Variants in NRXN3 observed in about 807,000 individuals in gnomAD.
NRXN3 encodes the protein neurexin III.
NRXN3 carries 32 observed loss-of-function variants against 137.6 expected under a neutral mutation model. The ratio of observed to expected loss-of-function variants is 0.23; its 90% CI spans 0.18 to 0.31. The LOEUF (loss-of-function observed/expected upper bound fraction) is 0.31, where lower values mean the gene tolerates loss of function less well. Among genes scored for constraint, NRXN3 ranks in the 10% least tolerant of loss-of-function variants. NRXN3 has a pLI of 1.00. For missense variants in NRXN3, 1,574 were observed against 2,062.5 expected, an observed-to-expected ratio of 0.76 and a Z score of 4.59; for synonymous variants, 798 against 784.5, an observed-to-expected ratio of 1.02 and a Z score of -0.29.
At chr14:79,496,683 G>A (rs1441083472) in intron 16 of NRXN3, among the ~76,000 whole-genome samples, 2 of 152,114 alleles carry the variant, frequency 1.3e-5, no homozygotes, top group Non-Finnish European at 2.9e-5. Flanking sequence ...ATTTTGGAGC[G>A]AGTTAAAATT....
intron 4 of NRXN3, among the ~76,000 whole-genome samples, chr14:78,303,156 C>T (rs2077038340): frequency 6.6e-6 from 1 of 152,220 alleles, no homozygotes; most frequent in Admixed American, 6.5e-5. Context: ...TTCCTCATCT[C>T]TTACCTTTGC....
Position 78,270,268 on chromosome 14 carries a change from C to T in NRXN3, c.710-8377C>T, listed in dbSNP as rs56093050. Among the ~76,000 whole-genome samples the T allele has an allele frequency of 2.2e-3, 336 of 152,312 alleles. 2 individuals carry two copies. The highest frequency in any genetic ancestry group is 7.8e-3 in the African/African-American group (325 of 41,574). Reference sequence around the variant, plus strand: ...AGGAATTGACAGATTTCTCTCTCCTCCTGTGACACACTTTTCTCTCTCCTA... The same window carrying T: ...AGGAATTGACAGATTTCTCTCTCCTTCTGTGACACACTTTTCTCTCTCCTA... On this transcript the variant is annotated intron_variant, in intron 2 of 20. Transcript: ENST00000335750.
chr14:78,731,607 ATGTGTGTG>A (rs149686835), intron 8 of NRXN3, among the ~76,000 whole-genome samples: 5 of 148,758 alleles, frequency 3.4e-5, no homozygotes, highest in African/African-American at 9.9e-5. Context: ...GTATATATAT[ATGTGTGTG>A]TGTGTGTGTG....
Position 78,203,803 on chromosome 14 carries a change from G to GGTGTGT in NRXN3, c.-704+33159_-704+33164dup, listed in dbSNP as rs3059003. Among the ~76,000 whole-genome samples the GGTGTGT allele has an allele frequency of 3.7e-4, 50 of 134,044 alleles. 1 individual carries two copies. Among genetic ancestry groups the GGTGTGT allele is most frequent in the African/African-American group, 1.2e-3 (43 of 35,450 alleles). The allele number at this position is 134,044 out of a possible 152,430, so 87.9% of individuals were successfully genotyped here. Reference sequence around the variant, plus strand: ...TGACTTTTTGGTGTAGATCCTTCCAGGTGTGTGTGTGTGTGTGTGTGTGTG... The same window carrying GGTGTGT: ...TGACTTTTTGGTGTAGATCCTTCCAGGTGTGTGTGTGTGTGTGTGTGTGTGTGTGTG... On this transcript the variant is annotated intron_variant, in intron 1 of 20. Transcript: ENST00000335750.
chr14:78,283,879 TG>T (rs1223349259), intron 3 of NRXN3, among the ~76,000 whole-genome samples: 2 of 152,178 alleles, frequency 1.3e-5, no homozygotes, highest in Non-Finnish European at 2.9e-5. Context: ...GCCTCTAAAG[TG>T]TTTACAATCT....
intron 16 of NRXN3, among the ~76,000 whole-genome samples, chr14:79,578,308 C>T (rs149774952): frequency 1.8e-4 from 27 of 152,254 alleles, no homozygotes; most frequent in Non-Finnish European, 3.7e-4. Flanking sequence ...CAACAGTGTG[C>T]GACAATAGGC....
In NRXN3 at chr14:78,305,162, G is replaced by T. The variant is rs13329055; in HGVS notation, c.757+7302G>T. On this transcript the variant is annotated intron_variant, in intron 4 of 20. Transcript: ENST00000335750. ...CTTGGCACTACCTTCGGAGAGGCTGGTCTGTGTGTTGGGTAAAGTTGCTTT... is the reference window on the plus strand; with the variant it reads ...CTTGGCACTACCTTCGGAGAGGCTGTTCTGTGTGTTGGGTAAAGTTGCTTT... Among the ~76,000 whole-genome samples the T allele has an allele frequency of 7.7e-3, 1,169 of 152,272 alleles. 12 individuals carry two copies. The highest frequency in any genetic ancestry group is 0.027 in the African/African-American group (1,125 of 41,546).
At chr14:79,397,532 A>G (rs1269509765) in intron 15 of NRXN3, among the ~76,000 whole-genome samples, 1 of 152,188 alleles carries the variant, frequency 6.6e-6, no homozygotes, top group Non-Finnish European at 1.5e-5. Context: ...CTATATCTAC[A>G]TCACAGGTAG....
At position 78,595,064 on chromosome 14, in the gene NRXN3, T is replaced by C. The variant is rs192104021; in HGVS notation, c.758-50056T>C. Among the ~76,000 whole-genome samples the C allele has an allele frequency of 5.9e-5, 9 of 152,120 alleles. No individual in the cohort carries two copies. The East Asian group carries it at 1.4e-3, about 23-fold the overall frequency. ...ATGAAGCTAACATTGTAAAGGGAGA[T>C]ACAGACAAAAAGCAAGAGAGCTAAG... On this transcript the variant is annotated intron_variant, in intron 4 of 20. Coordinates refer to ENST00000335750, the MANE Select transcript of NRXN3 (RefSeq NM_001330195.2).
intron 4 of NRXN3, among the ~76,000 whole-genome samples, chr14:78,592,089 GA>G (rs754979274): frequency 1.7e-4 from 26 of 152,120 alleles, no homozygotes; most frequent in Non-Finnish European, 3.2e-4. Flanking sequence ...AACAGGTCTT[GA>G]AAATGTATGC....
intron 15 of NRXN3, among the ~76,000 whole-genome samples, chr14:79,219,290 T>C (rs768457355): frequency 4.6e-5 from 7 of 152,092 alleles, no homozygotes; most frequent in Non-Finnish European, 7.4e-5. Flanking sequence ...GCTAATTTTA[T>C]TTATTATTTA....
intron 16 of NRXN3, among the ~76,000 whole-genome samples, chr14:79,623,548 C>G (rs2098247515): frequency 6.6e-6 from 1 of 152,312 alleles, no homozygotes; most frequent in Non-Finnish European, 1.5e-5. Context: ...GGATGGTATT[C>G]TGGACCTAAT....
chr14:78,457,033 C>T (rs1471175555), intron 4 of NRXN3, among the ~76,000 whole-genome samples: 1 of 147,578 alleles, frequency 6.8e-6, no homozygotes, highest in African/African-American at 2.5e-5. Flanking sequence ...TTCCCTCCCC[C>T]ATCCCCTCTC....
chr14:78,871,083 G>A (rs1406432804), intron 10 of NRXN3, among the ~76,000 whole-genome samples: 2 of 146,740 alleles, frequency 1.4e-5, no homozygotes, highest in African/African-American at 2.5e-5. Context: ...ATACCCAGAA[G>A]TGGCATTACT....
At chr14:79,650,365 T>C (rs2153970768) in intron 16 of NRXN3, among the ~76,000 whole-genome samples, 1 of 152,306 alleles carries the variant, frequency 6.6e-6, no homozygotes, top group Middle Eastern at 3.4e-3. Context: ...GGAAACCATG[T>C]GCTTCTTTCT....
In NRXN3 at chr14:78,495,405, C is replaced by A. The variant is rs148763472; in HGVS notation, c.758-149715C>A. 7.9e-3 allele frequency among the ~76,000 whole-genome samples: 1,194 copies of A among 151,996 alleles called. 5 individuals are homozygous for A. The highest frequency in any genetic ancestry group is 0.013 in the Non-Finnish European group (890 of 67,976). Reference sequence around the variant, plus strand: ...TTTTCAAAACAAGGCATAGAGATCCCAATAGCAACACAGAATGTTTCTGTG... The same window carrying A: ...TTTTCAAAACAAGGCATAGAGATCCAAATAGCAACACAGAATGTTTCTGTG... On this transcript the variant is annotated intron_variant, in intron 4 of 20. Transcript: ENST00000335750.
At chr14:79,069,054 G>A (rs1302705868) in intron 15 of NRXN3, among the ~76,000 whole-genome samples, 2 of 152,034 alleles carry the variant, frequency 1.3e-5, no homozygotes, top group Non-Finnish European at 2.9e-5. Flanking sequence ...CACTGATAAG[G>A]GGAGGATGAA....
chr14:79,696,273 G>C (rs1043901895), intron 18 of NRXN3, among the ~76,000 whole-genome samples: 1 of 151,714 alleles, frequency 6.6e-6, no homozygotes, highest in South Asian at 2.1e-4. Flanking sequence ...AAATTATAAA[G>C]CAAAAAGCTT....
chr14:78,954,771 T>G (rs1379399450), intron 10 of NRXN3, among the ~76,000 whole-genome samples: 9 of 147,140 alleles, frequency 6.1e-5, no homozygotes, highest in Non-Finnish European at 1.2e-4. Flanking sequence ...GGCCTGGTTT[T>G]TTTTTTTTTT....
Sources: allele counts gnomAD v4.1 joint callset (sites outside exome capture counted in the v4.1 genomes callset), GRCh38; gene constraint gnomAD v4.1.1; transcripts MANE v1.5; gene names NCBI Gene and HGNC (gene_info 2026-07-23, HGNC 2026-07-21).